The following RPS6KA5 variants were observed in gnomAD, a reference collection of about 807,000 sequenced individuals.
RPS6KA5 encodes ribosomal protein S6 kinase A5, also known as ribosomal protein S6 kinase alpha-5.
Under a neutral mutation model 85.5 loss-of-function variants are expected in RPS6KA5, and 27 were observed. The observed-to-expected ratio is 0.32, with a 90% CI of 0.23 to 0.44. The LOEUF is 0.44. RPS6KA5 is among the 20% of genes least tolerant of loss of function. RPS6KA5 has a pLI of 1.00. For missense variants in RPS6KA5, 811 were observed against 980.9 expected (o/e 0.83, Z 2.31); for synonymous variants, 334 against 348.2 (o/e 0.96, Z 0.46).
At chr14:90,927,086 G>GT (rs1292771179) in intron 5 of RPS6KA5, among the ~76,000 whole-genome samples, 6 of 152,094 alleles carry the variant, frequency 3.9e-5, no homozygotes, top group Non-Finnish European at 5.9e-5. Context: ...GGTCATGATC[G>GT]TTTGAGAGAT....
chr14:90,943,409 T>A lies in RPS6KA5; in HGVS notation c.511-224A>T, dbSNP rs115372477. Among the ~76,000 whole-genome samples, 796 of 152,210 alleles carry A rather than the reference T, an allele frequency of 5.2e-3. 11 individuals carry two copies. Among genetic ancestry groups the A allele is most frequent in the African/African-American group, 0.018 (747 of 41,514 alleles). On this transcript the variant is annotated intron_variant, in intron 4 of 16. Transcript: ENST00000614987. ...GTCTTTGTTCTCCTTGTGCACAGGG[T>A]CTACCTTGTTGGGTCAGCTTCTTTA...
intron 1 of RPS6KA5, among the ~76,000 whole-genome samples, chr14:91,008,099 T>C (rs1392000209): frequency 6.6e-6 from 1 of 152,200 alleles, no homozygotes; most frequent in South Asian, 2.1e-4. Flanking sequence ...TGGAGGAAAA[T>C]GATCGGTAAA....
At chr14:91,053,566 AAAGT>A (rs1209082614) in intron 1 of RPS6KA5, among the ~76,000 whole-genome samples, 1 of 152,226 alleles carries the variant, frequency 6.6e-6, no homozygotes, top group African/African-American at 2.4e-5. Context: ...TCCAAAAATA[AAAGT>A]AAGAAACTAG....
intron 2 of RPS6KA5, among the ~76,000 whole-genome samples, chr14:90,985,820 T>C (rs1195697887): frequency 1.3e-5 from 2 of 152,200 alleles, no homozygotes; most frequent in Non-Finnish European, 1.5e-5. Context: ...ACTTGTTGCT[T>C]TGCCTATTTC....
At chr14:91,007,165 C>A (rs1402395228) in intron 1 of RPS6KA5, among the ~76,000 whole-genome samples, 1 of 152,176 alleles carries the variant, frequency 6.6e-6, no homozygotes, top group Admixed American at 6.5e-5. Flanking sequence ...CTGACTATAA[C>A]AGCATAGTGG....
chr14:90,965,947 G>C (rs1311418682), intron 3 of RPS6KA5, among the ~76,000 whole-genome samples: 1 of 152,120 alleles, frequency 6.6e-6, no homozygotes, highest in Non-Finnish European at 1.5e-5. Flanking sequence ...GGAAGATTAT[G>C]GTTAAAGACT....
chr14:90,996,682 G>A (rs944306479), intron 2 of RPS6KA5, among the ~76,000 whole-genome samples: 1 of 151,834 alleles, frequency 6.6e-6, no homozygotes, highest in Non-Finnish European at 1.5e-5. Flanking sequence ...TTTTTACTAC[G>A]TTTTGCTTTT....
At chr14:91,021,903 T>C (rs1029321924) in intron 1 of RPS6KA5, among the ~76,000 whole-genome samples, 3 of 152,242 alleles carry the variant, frequency 2.0e-5, no homozygotes, top group African/African-American at 7.2e-5. Flanking sequence ...TAAGATCTTA[T>C]GGAATCTTAA....
intron 5 of RPS6KA5, among the ~76,000 whole-genome samples, chr14:90,924,817 G>A (rs1368096647): frequency 6.6e-6 from 1 of 152,186 alleles, no homozygotes; most frequent in African/African-American, 2.4e-5. Flanking sequence ...TCCTTCTAGG[G>A]AGGAATCCCA....
chr14:91,014,022 G>A (rs975244568), intron 1 of RPS6KA5, among the ~76,000 whole-genome samples: 4 of 152,136 alleles, frequency 2.6e-5, no homozygotes, highest in South Asian at 2.1e-4. Flanking sequence ...TGGTGACCAC[G>A]ACGTCATAAA....
intron 1 of RPS6KA5, among the ~76,000 whole-genome samples, chr14:91,005,254 TCA>T (rs1429355681): frequency 6.6e-6 from 1 of 152,326 alleles, no homozygotes; most frequent in East Asian, 1.9e-4. Flanking sequence ...ACCAGAATCT[TCA>T]CAGTGTGGGC....
At chr14:91,057,158 T>G (rs2043358424) in intron 1 of RPS6KA5, among the ~76,000 whole-genome samples, 1 of 152,030 alleles carries the variant, frequency 6.6e-6, no homozygotes, top group South Asian at 2.1e-4. Flanking sequence ...TTATCTTAAT[T>G]ACTGGTTTAT....
chr14:90,923,016 A>G, intron 6 of RPS6KA5, 97 bp downstream of exon 6: 1 of 823,606 alleles, frequency 1.2e-6, no homozygotes, highest in South Asian at 1.6e-5. Context: ...AACACCAGAA[A>G]GACGGCTCTG....
chr14:90,996,204 T>G (rs1038788309), intron 2 of RPS6KA5, among the ~76,000 whole-genome samples: 8 of 151,028 alleles, frequency 5.3e-5, no homozygotes, highest in Non-Finnish European at 7.4e-5. Context: ...TTTTTTTTTT[T>G]GTTTTTTTTT....
At chr14:90,989,510 G>A (rs2040210758) in intron 2 of RPS6KA5, among the ~76,000 whole-genome samples, 1 of 152,074 alleles carries the variant, frequency 6.6e-6, no homozygotes, top group South Asian at 2.1e-4. Flanking sequence ...AAAATTCAGA[G>A]AATACTAAAG....
At chr14:90,882,373 T>C (rs942694695) in intron 14 of RPS6KA5, among the ~76,000 whole-genome samples, 1 of 152,262 alleles carries the variant, frequency 6.6e-6, no homozygotes, top group Non-Finnish European at 1.5e-5. Context: ...CATTCGTCTC[T>C]TATGTCACGC....
chr14:90,956,679 T>TA (rs1281929023), intron 3 of RPS6KA5, among the ~76,000 whole-genome samples: 11 of 151,872 alleles, frequency 7.2e-5, no homozygotes, highest in Admixed American at 3.3e-4. Flanking sequence ...TTTTTTTTTT[T>TA]ACTTATTTTC....
chr14:90,922,850 C>T (rs548246894), intron 6 of RPS6KA5, among the ~76,000 whole-genome samples: 1 of 152,160 alleles, frequency 6.6e-6, no homozygotes, highest in East Asian at 1.9e-4. Context: ...GAGTGTTACT[C>T]TATAAAATAA....
chr14:90,899,313 A>C lies in RPS6KA5; in HGVS notation c.1473+16T>G. 6.4e-7 allele frequency: 1 copy of C among 1,564,552 alleles called. No individual in the cohort carries two copies. The highest frequency in any genetic ancestry group is 8.7e-7 in the Non-Finnish European group (1 of 1,150,042). On this transcript the variant is annotated intron_variant, in intron 12 of 16. Transcript: ENST00000614987. Reference sequence around the variant, plus strand: ...ATTAGTACACATGGGAAAAAAAAAAAAAAAAAGTAGGATACCTGATCATGA... The same window carrying C: ...ATTAGTACACATGGGAAAAAAAAAACAAAAAAGTAGGATACCTGATCATGA...
Sources: gnomAD v4.1 joint callset for allele counts (sites outside exome capture counted in the v4.1 genomes callset) on GRCh38, gnomAD v4.1.1 for gene constraint, MANE v1.5 for transcripts, NCBI Gene and HGNC (gene_info 2026-07-23, HGNC 2026-07-21) for gene names.